MARCHF1: variants seen among roughly 807,000 people sequenced by gnomAD.
MARCHF1 encodes membrane associated ring-CH-type finger 1.
MARCHF1 carries 40 observed loss-of-function variants against 54.2 expected under a neutral mutation model. That is an observed-to-expected ratio of 0.74 (90% CI 0.57 to 0.96). The LOEUF (loss-of-function observed/expected upper bound fraction) is 0.96. MARCHF1 is among the 40% of genes least tolerant of loss of function. MARCHF1 has a pLI of 0.00. For missense variants in MARCHF1, 586 were observed against 656.5 expected, an observed-to-expected ratio of 0.89 and a Z score of 1.17; for synonymous variants, 236 against 236.3, an observed-to-expected ratio of 1.00 and a Z score of 0.01.
chr4:163,535,805 A>G (rs1317570251), intron 9 of MARCHF1, among the ~76,000 whole-genome samples: 1 of 150,304 alleles, frequency 6.7e-6, no homozygotes, highest in Non-Finnish European at 1.5e-5. Context: ...CTATGCAAGG[A>G]GAACAATCAT....
intron 1 of MARCHF1, among the ~76,000 whole-genome samples, chr4:164,150,108 C>A (rs945847842): frequency 6.6e-6 from 1 of 152,146 alleles, no homozygotes; most frequent in African/African-American, 2.4e-5. Context: ...GTTTTATGTG[C>A]ACACAATTAG....
rs560823933 is a variant in MARCHF1 at position 164,300,268 on chromosome 4, A to T, written c.-323+83602T>A. Among the ~76,000 whole-genome samples, 20 of 152,238 alleles carry T rather than the reference A, an allele frequency of 1.3e-4. No individual in the cohort carries two copies. The South Asian group carries it at 3.9e-3, about 30-fold the overall frequency. The stretch of plus-strand genomic sequence containing the variant: ...TACCCCAGCTGAAGCAATTTCTCAG[A>T]CAATAAATCATACACGTGGCTGACT... On this transcript the variant is annotated intron_variant, in intron 1 of 9. Transcript: ENST00000514618.
intron 5 of MARCHF1, among the ~76,000 whole-genome samples, chr4:163,696,723 T>G (rs1249871865): frequency 1.3e-5 from 2 of 152,176 alleles, no homozygotes; most frequent in African/African-American, 4.8e-5. Context: ...TATAACCCTT[T>G]AAACAGCCTT....
At chr4:163,593,471 A>C (rs1740657762) in intron 7 of MARCHF1, among the ~76,000 whole-genome samples, 1 of 152,208 alleles carries the variant, frequency 6.6e-6, no homozygotes, top group African/African-American at 2.4e-5. Flanking sequence ...TTTTGTATAT[A>C]CATAATAACA....
intron 4 of MARCHF1, among the ~76,000 whole-genome samples, chr4:163,710,994 C>G (rs1164031365): frequency 2.0e-5 from 3 of 151,960 alleles, no homozygotes; most frequent in Non-Finnish European, 2.9e-5. Flanking sequence ...TTTTATATGA[C>G]TATGTTCACA....
At chr4:163,558,897 C>T (rs1579062372) in intron 8 of MARCHF1, among the ~76,000 whole-genome samples, 1 of 152,282 alleles carries the variant, frequency 6.6e-6, no homozygotes, top group East Asian at 1.9e-4. Context: ...CATTGATCCT[C>T]TCACAGATAA....
chr4:164,054,997 C>A (rs146861208), intron 2 of MARCHF1, among the ~76,000 whole-genome samples: 1 of 151,894 alleles, frequency 6.6e-6, no homozygotes, highest in Admixed American at 6.6e-5. Flanking sequence ...AGTGGTTTTG[C>A]GTGTTATCTA....
intron 1 of MARCHF1, among the ~76,000 whole-genome samples, chr4:164,196,180 A>G (rs1016784749): frequency 1.3e-5 from 2 of 152,120 alleles, no homozygotes; most frequent in Admixed American, 6.5e-5. Flanking sequence ...ATTTGTCTCA[A>G]TGCATTTTTG....
Position 163,851,601 on chromosome 4 carries a change from C to A in MARCHF1, c.111+2420G>T, listed in dbSNP as rs1318562637. Among the ~76,000 whole-genome samples the A allele has an allele frequency of 1.3e-5, 2 of 150,664 alleles. 1 individual carries two copies. The highest frequency in any genetic ancestry group is 2.9e-5 in the Non-Finnish European group (2 of 67,960). ...TGTCACTCGTGAAGAGTAATAATCTCTTTTCTGGAGATAATGGAACATGAC... is the reference window on the plus strand; with the variant it reads ...TGTCACTCGTGAAGAGTAATAATCTATTTTCTGGAGATAATGGAACATGAC... On this transcript the variant is annotated intron_variant, in intron 4 of 9. Coordinates refer to ENST00000514618, the MANE Select transcript of MARCHF1 (RefSeq NM_001394959.1).
chr4:163,946,225 T>C (rs1752023437), intron 3 of MARCHF1, among the ~76,000 whole-genome samples: 2 of 152,168 alleles, frequency 1.3e-5, no homozygotes, highest in Admixed American at 1.3e-4. Flanking sequence ...TTTTCTACTA[T>C]GTGCCTGGGG....
intron 2 of MARCHF1, among the ~76,000 whole-genome samples, chr4:164,051,039 C>G (rs1350546730): frequency 1.3e-5 from 2 of 152,172 alleles, no homozygotes; most frequent in Non-Finnish European, 2.9e-5. Flanking sequence ...TCCTCCCTTG[C>G]CCTACTATTT....
rs947685606 is a variant in MARCHF1, at chr4:164,117,207, G to A, written c.-322-5545C>T. Among the ~76,000 whole-genome samples the A allele has an allele frequency of 1.6e-4, 24 of 152,068 alleles. 1 individual carries two copies. The highest frequency in any genetic ancestry group is 4.3e-4 in the African/African-American group (18 of 41,414). On this transcript the variant is annotated intron_variant, in intron 1 of 9. Transcript: ENST00000514618. ...TGGATGGCAGAGGTTGCGGTGAGCC[G>A]AGATCGCACCACTGCATTCCAGCCT...
intron 1 of MARCHF1, among the ~76,000 whole-genome samples, chr4:164,351,809 C>T (rs1256206917): frequency 2.6e-5 from 4 of 151,390 alleles, no homozygotes; most frequent in Non-Finnish European, 5.9e-5. Flanking sequence ...GATCAAATTA[C>T]TCTGAGCTAC....
chr4:163,759,184 C>T (rs1746761452), intron 4 of MARCHF1, among the ~76,000 whole-genome samples: 1 of 145,188 alleles, frequency 6.9e-6, no homozygotes. Flanking sequence ...AAAGTAGAGA[C>T]CTTTTTTTTT....
intron 1 of MARCHF1, among the ~76,000 whole-genome samples, chr4:164,115,570 C>T (rs1437663751): frequency 1.3e-5 from 2 of 152,016 alleles, no homozygotes; most frequent in African/African-American, 4.8e-5. Flanking sequence ...TAATGTGACA[C>T]ATCATTTAAG....
intron 5 of MARCHF1, among the ~76,000 whole-genome samples, chr4:163,623,993 T>C (rs766844174): frequency 1.3e-5 from 2 of 152,070 alleles, no homozygotes; most frequent in Non-Finnish European, 2.9e-5. Flanking sequence ...ACCTTTGCTG[T>C]TGGTGAATGG....
At chr4:163,685,444 ATTTAT>A (rs1028738714) in intron 5 of MARCHF1, among the ~76,000 whole-genome samples, 2 of 151,994 alleles carry the variant, frequency 1.3e-5, no homozygotes, top group African/African-American at 4.8e-5. Context: ...TTCTCCAATT[ATTTAT>A]TTTATTTTTA....
chr4:164,176,968 CTCTCTCTCTCTCTATATATAT>C (rs1730692083), intron 1 of MARCHF1, among the ~76,000 whole-genome samples: 1 of 43,344 alleles, frequency 2.3e-5, no homozygotes, highest in Non-Finnish European at 4.2e-5. Context: ...CTCTCTCTCT[CTCTCTCTCTCTCTATATATAT>C]ATATATATAT....
At chr4:164,109,173 T>G (rs1187834115) in intron 2 of MARCHF1, among the ~76,000 whole-genome samples, 1 of 152,040 alleles carries the variant, frequency 6.6e-6, no homozygotes. Context: ...GCTAATGACC[T>G]ATTTACAGAA....
Sources: gnomAD v4.1 joint callset for allele counts (sites outside exome capture counted in the v4.1 genomes callset) on GRCh38, gnomAD v4.1.1 for gene constraint, MANE v1.5 for transcripts, NCBI Gene and HGNC (gene_info 2026-07-23, HGNC 2026-07-21) for gene names.